Variants in FER1L6 observed in about 807,000 individuals in gnomAD.
FER1L6 encodes the protein fer-1-like protein 6.
A neutral mutation model predicts 219.2 loss-of-function variants in FER1L6; 177 were observed. The ratio of observed to expected loss-of-function variants is 0.81; its 90% CI spans 0.71 to 0.91. The LOEUF (loss-of-function observed/expected upper bound fraction) is 0.91. Among genes scored for constraint, FER1L6 ranks in the 40% least tolerant of loss-of-function variants. FER1L6 has a pLI of 0.00. For missense variants in FER1L6, 2,153 were observed against 2,259.9 expected (o/e 0.95, Z 0.96); for synonymous variants, 768 against 824.3 (o/e 0.93, Z 1.17).
chr8:124,011,668 T>C (rs1209441558), intron 14 of FER1L6, among the ~76,000 whole-genome samples: 3 of 145,986 alleles, frequency 2.1e-5, no homozygotes, highest in Admixed American at 2.0e-4. Context: ...TTTTTTTTGG[T>C]AGAGACAAGA....
intron 18 of FER1L6, among the ~76,000 whole-genome samples, chr8:124,028,211 G>A (rs1180776376): frequency 6.6e-6 from 1 of 152,192 alleles, no homozygotes; most frequent in Non-Finnish European, 1.5e-5. Flanking sequence ...ATCTTCATCT[G>A]TAAGCCTTAG....
intron 2 of FER1L6, among the ~76,000 whole-genome samples, chr8:123,958,611 A>G (rs996068560): frequency 6.6e-6 from 1 of 152,022 alleles, no homozygotes; most frequent in African/African-American, 2.4e-5. Context: ...ACGTCCTCAA[A>G]TCACCTTACT....
intron 13 of FER1L6, among the ~76,000 whole-genome samples, chr8:124,003,629 C>T (rs573488139): frequency 2.4e-4 from 36 of 151,614 alleles, no homozygotes; most frequent in Non-Finnish European, 4.3e-4. Context: ...CCACCATGCC[C>T]GGCTAATTTT....
At chr8:123,947,299 A>G (rs984844341) in intron 1 of FER1L6, among the ~76,000 whole-genome samples, 2 of 152,080 alleles carry the variant, frequency 1.3e-5, no homozygotes, top group African/African-American at 2.4e-5. Flanking sequence ...TGCATTAGAA[A>G]AGGAAGTGAT....
intron 18 of FER1L6, among the ~76,000 whole-genome samples, chr8:124,032,941 G>T (rs1046169298): frequency 3.3e-5 from 5 of 152,200 alleles, no homozygotes; most frequent in Admixed American, 3.3e-4. Context: ...ATTTGAGTGT[G>T]CATTTTAACC....
At chr8:124,060,751 T>G in intron 24 of FER1L6, 42 bp downstream of exon 24, 1 of 1,595,840 alleles carries the variant, frequency 6.3e-7, no homozygotes, top group African/African-American at 1.3e-5. Context: ...ATTCCTCTTT[T>G]TTGCACAGAT....
At chr8:124,089,673 T>C (rs1424903924) in intron 33 of FER1L6, among the ~76,000 whole-genome samples, 1 of 152,218 alleles carries the variant, frequency 6.6e-6, no homozygotes, top group African/African-American at 2.4e-5. Flanking sequence ...TTATTAAATA[T>C]GACACACTCA....
intron 1 of FER1L6, among the ~76,000 whole-genome samples, chr8:123,858,751 G>C (rs553150955): frequency 2.0e-5 from 3 of 152,274 alleles, no homozygotes; most frequent in East Asian, 1.9e-4. Context: ...AGAAGCAGTG[G>C]ATCAGTCTCT....
rs536376366 is a variant in FER1L6 at position 124,017,936 on chromosome 8, A to G, written c.2013+218A>G. 2.0e-4 allele frequency among the ~76,000 whole-genome samples: 31 copies of G among 152,272 alleles called. 1 individual carries two copies. The highest frequency in any genetic ancestry group is 1.2e-3 in the Admixed American group (18 of 15,290). On this transcript the variant is annotated intron_variant, in intron 16 of 40. Transcript: ENST00000522917. ...TAGAAGCCCACTGGTCCTACTTCCT[A>G]CTCTGATGGAGAATAGGTGACCTCT...
intron 23 of FER1L6, 73 bp downstream of exon 23, chr8:124,060,363 G>T: frequency 2.7e-6 from 4 of 1,498,858 alleles, no homozygotes; most frequent in Non-Finnish European, 3.7e-6. Flanking sequence ...TTGTAGGAGA[G>T]GTGATATGGA....
At chr8:123,928,036 A>G (rs1813630995) in intron 1 of FER1L6, among the ~76,000 whole-genome samples, 1 of 152,204 alleles carries the variant, frequency 6.6e-6, no homozygotes, top group Admixed American at 6.5e-5. Context: ...CAGCAGGAAT[A>G]TAAGAAGGTT....
Position 123,963,293 on chromosome 8 carries a change from C to G in FER1L6, c.92C>G (p.Thr31Ser). 1 of 1,614,072 alleles carries G rather than the reference C, an allele frequency of 6.2e-7. No homozygotes were observed. The highest frequency in any genetic ancestry group is 8.5e-7 in the Non-Finnish European group (1 of 1,179,938). ...NKAAKDSQGD[T>S]EALQEEPSHQ... is the part of the protein sequence containing the mutation. ...GCTTCTCCAGATAGTCAAGGTGACA[C>G]TGAAGCACTGCAGGAGGAGCCTTCT... is the stretch of plus-strand genomic sequence containing the variant. Residue 31 changes from threonine (T) to serine (S), a missense_variant, in exon 3 of 41, where the codon ACT (threonine) becomes AGT (serine). Thr to Ser is a moderately conservative substitution (Grantham distance 58). Coordinates refer to ENST00000522917, the MANE Select transcript of FER1L6 (RefSeq NM_001039112.2).
chr8:123,935,302 G>C (rs1563693746), intron 1 of FER1L6, among the ~76,000 whole-genome samples: 1 of 151,958 alleles, frequency 6.6e-6, no homozygotes, highest in East Asian at 1.9e-4. Flanking sequence ...TTGCCACAGG[G>C]AGCCCCTTCT....
intron 18 of FER1L6, among the ~76,000 whole-genome samples, chr8:124,027,959 T>C (rs1818783990): frequency 6.6e-6 from 1 of 152,212 alleles, no homozygotes; most frequent in African/African-American, 2.4e-5. Context: ...TTTCTTTAAC[T>C]TTCTCCATTC....
chr8:123,881,858 T>G (rs1817116421), intron 1 of FER1L6, among the ~76,000 whole-genome samples: 1 of 152,132 alleles, frequency 6.6e-6, no homozygotes, highest in African/African-American at 2.4e-5. Flanking sequence ...TCCTCCTTGG[T>G]GGGGCTGATT....
chr8:123,883,023 C>T (rs1219527142), intron 1 of FER1L6, among the ~76,000 whole-genome samples: 1 of 152,042 alleles, frequency 6.6e-6, no homozygotes, highest in Non-Finnish European at 1.5e-5. Flanking sequence ...CTCAGGTTTG[C>T]TGTGAACCTA....
chr8:124,057,382 G>GT (rs1369814407), intron 22 of FER1L6, among the ~76,000 whole-genome samples: 1 of 152,030 alleles, frequency 6.6e-6, no homozygotes, highest in Non-Finnish European at 1.5e-5. Flanking sequence ...TCATCTGATT[G>GT]TTTTTAAGGT....
Position 124,097,263 on chromosome 8 carries a change from T to C in FER1L6, c.4696-8T>C, listed in dbSNP as rs777151597. On this transcript the variant is annotated splice_polypyrimidine_tract_variant and splice_region_variant and intron_variant, in intron 35 of 40. Transcript: ENST00000522917. ...AAAGCTAAAGAAGATATTTTTTTTCTTAACAAGGGCCGCCTGCAGATGTGG... is the reference window on the plus strand; with the variant it reads ...AAAGCTAAAGAAGATATTTTTTTTCCTAACAAGGGCCGCCTGCAGATGTGG... 27 of 1,611,670 alleles carry C rather than the reference T, an allele frequency of 1.7e-5. No individual in the cohort carries two copies. The highest frequency in any genetic ancestry group is 2.1e-5 in the Non-Finnish European group (25 of 1,178,404).
chr8:124,013,329 A>G, intron 14 of FER1L6, 102 bp from the exon 15 acceptor site: 1 of 437,576 alleles, frequency 2.3e-6, no homozygotes. Flanking sequence ...TTGCCAAAAC[A>G]AAAAAAAAAT....
Sources: allele counts gnomAD v4.1 joint callset (sites outside exome capture counted in the v4.1 genomes callset), GRCh38; gene constraint gnomAD v4.1.1; transcripts MANE v1.5; gene names NCBI Gene and HGNC (gene_info 2026-07-23, HGNC 2026-07-21).